The following COL4A4 variants were observed in gnomAD, a reference collection of about 807,000 sequenced individuals.
COL4A4 encodes collagen type IV alpha 4 chain.
COL4A4 carries 105 observed loss-of-function variants against 192.9 expected under a neutral mutation model. The ratio of observed to expected loss-of-function variants is 0.54; its 90% CI spans 0.46 to 0.64. The LOEUF is 0.64. Ranked by LOEUF, COL4A4 falls within the 30% of genes least tolerant of loss-of-function variation. COL4A4 has a pLI of 0.00. For missense variants in COL4A4, 1,967 were observed against 2,169.3 expected (o/e 0.91, Z 1.85); for synonymous variants, 762 against 769.9 (o/e 0.99, Z 0.17).
At chr2:227,059,675 C>T (rs755327291) in intron 27 of COL4A4, 52 bp from the exon 28 acceptor site, 1 of 1,284,016 alleles carries the variant, frequency 7.8e-7, no homozygotes, top group South Asian at 1.2e-5. Context: ...AAGTATAGAA[C>T]CAATACATAT....
At chr2:227,067,645 G>C (rs377460625) in intron 25 of COL4A4, among the ~76,000 whole-genome samples, 1 of 152,040 alleles carries the variant, frequency 6.6e-6, no homozygotes, top group South Asian at 2.1e-4. Flanking sequence ...TGAAGGCAGA[G>C]ATAAAGATGT....
In COL4A4 at chr2:227,005,617, C is replaced by T. The variant is rs1961928959; in HGVS notation, c.*1708G>A. 1 of 152,094 alleles carries T rather than the reference C, an allele frequency of 6.6e-6. No individual in the cohort carries two copies. Among genetic ancestry groups the T allele is most frequent in the Admixed American group, 6.5e-5 (1 of 15,278 alleles). 9.4% of individuals were successfully genotyped at this position (152,094 alleles called of 1,614,324 possible). On this transcript the variant is annotated 3_prime_UTR_variant, in exon 48 of 48. Coordinates refer to ENST00000396625, the MANE Select transcript of COL4A4 (RefSeq NM_000092.5). ...AAATACTCTTAAAATAAATTGCCAC[C>T]CTGGGGGCAGCCCATAGCAAAACTC...
intron 7 of COL4A4, among the ~76,000 whole-genome samples, chr2:227,117,670 A>G (rs564480330): frequency 6.6e-6 from 1 of 152,186 alleles, no homozygotes; most frequent in Non-Finnish European, 1.5e-5. Context: ...TCACAGAAAA[A>G]CAATTTGGAA....
chr2:226,974,392 T>C, the COL4A4 span, among the ~76,000 whole-genome samples: 1 of 151,890 alleles, frequency 6.6e-6, no homozygotes, highest in Non-Finnish European at 1.5e-5. Flanking sequence ...CGCCCACCAC[T>C]GGGCCTGGCT....
At chr2:227,157,086 T>G (rs1028294233) in intron 1 of COL4A4, among the ~76,000 whole-genome samples, 3 of 152,166 alleles carry the variant, frequency 2.0e-5, no homozygotes, top group Admixed American at 6.5e-5. Context: ...TGCTGGATCA[T>G]AAAACAAGTT....
chr2:227,161,204 T>C (rs1405389076), intron 1 of COL4A4, among the ~76,000 whole-genome samples: 1 of 152,126 alleles, frequency 6.6e-6, no homozygotes, highest in African/African-American at 2.4e-5. Context: ...TCATTCAACA[T>C]CAGTAAAGAA....
chr2:227,002,162 C>A (rs1190331850), downstream of COL4A4, among the ~76,000 whole-genome samples: 2 of 125,834 alleles, frequency 1.6e-5, no homozygotes, highest in Non-Finnish European at 1.6e-5. Flanking sequence ...AGGCAAGACC[C>A]TGTCTCAAAA....
chr2:227,104,007 C>G lies in COL4A4; in HGVS notation c.781G>C (p.Glu261Gln). 1 of 1,613,506 alleles carries G rather than the reference C, an allele frequency of 6.2e-7. No homozygotes were observed. The highest frequency in any genetic ancestry group is 2.2e-5 in the East Asian group (1 of 44,864). Residue 261 changes from glutamate (E) to glutamine (Q), a missense_variant, in exon 13 of 48, where the codon GAG (glutamate) becomes CAG (glutamine). By Grantham distance (29) the Glu-to-Gln change is conservative. Coordinates refer to ENST00000396625, the MANE Select transcript of COL4A4 (RefSeq NM_000092.5). ...QGSPGPTLLV[E>Q]PPDFCLYKGE... Reference sequence around the variant, plus strand: ...TTATAGAGACAAAAGTCAGGTGGCTCTACCAACAGGGTGGGTCCAGGAGAA... The same window carrying G: ...TTATAGAGACAAAAGTCAGGTGGCTGTACCAACAGGGTGGGTCCAGGAGAA...
At chr2:227,012,913 A>C (rs984182347) in intron 44 of COL4A4, among the ~76,000 whole-genome samples, 1 of 152,132 alleles carries the variant, frequency 6.6e-6, no homozygotes, top group Non-Finnish European at 1.5e-5. Flanking sequence ...TGCCAGTTAT[A>C]CCAGTGAAGA....
At chr2:227,046,251 C>T (rs1391398749) in intron 35 of COL4A4, among the ~76,000 whole-genome samples, 1 of 150,264 alleles carries the variant, frequency 6.7e-6, no homozygotes, top group Admixed American at 6.6e-5. Context: ...TAAAATTTCT[C>T]ATATAGTTCT....
intron 17 of COL4A4, among the ~76,000 whole-genome samples, chr2:227,101,143 C>T (rs2060496597): frequency 6.6e-6 from 1 of 152,092 alleles, no homozygotes; most frequent in Non-Finnish European, 1.5e-5. Context: ...GAATGAGTCT[C>T]ACAAGATAAT....
intron 1 of COL4A4, among the ~76,000 whole-genome samples, chr2:227,150,345 A>G (rs983856733): frequency 2.6e-5 from 4 of 152,166 alleles, no homozygotes; most frequent in Non-Finnish European, 5.9e-5. Context: ...CAGGAAAAAA[A>G]GTGAATCAAT....
the COL4A4 span, chr2:226,995,429 A>G: frequency 1.2e-6 from 2 of 1,600,262 alleles, no homozygotes; most frequent in Non-Finnish European, 1.7e-6. Flanking sequence ...TTCTCACTAC[A>G]GGAAATACCA....
At chr2:227,027,250 A>G (rs1280487404) in intron 42 of COL4A4, among the ~76,000 whole-genome samples, 1 of 43,086 alleles carries the variant, frequency 2.3e-5, no homozygotes, top group African/African-American at 9.9e-5. Context: ...AGACTGTCTC[A>G]AAAAAAAAAA....
In COL4A4 at chr2:227,089,010, G is replaced by A. The variant is rs147284583; in HGVS notation, c.1460-194C>T. ...TACATGGGGTGCCTAGGCATGGGAT[G>A]TAGGGTGGGCATACCATTTCTAAAC... On this transcript the variant is annotated intron_variant, in intron 21 of 47. Coordinates refer to ENST00000396625, the MANE Select transcript of COL4A4 (RefSeq NM_000092.5). 1.2e-3 allele frequency among the ~76,000 whole-genome samples: 190 copies of A among 152,318 alleles called. 4 individuals carry two copies. The East Asian group carries it at 0.034, about 27-fold the overall frequency.
intron 44 of COL4A4, among the ~76,000 whole-genome samples, chr2:227,020,675 G>A (rs538128484): frequency 6.6e-6 from 1 of 152,196 alleles, no homozygotes; most frequent in Admixed American, 6.5e-5. Flanking sequence ...GCAGTGAGGG[G>A]GGGTGAAAGG....
intron 29 of COL4A4, 127 bp downstream of exon 29, chr2:227,057,312 G>A (rs531765362): frequency 8.9e-7 from 1 of 1,120,758 alleles, no homozygotes; most frequent in Non-Finnish European, 1.3e-6. Context: ...AAACTCATGA[G>A]TAACGAAGTC....
chr2:227,111,829 A>G, intron 8 of COL4A4, 116 bp from the exon 9 acceptor site: 3 of 1,128,514 alleles, frequency 2.7e-6, no homozygotes, highest in South Asian at 1.3e-5. Flanking sequence ...AGTTTGTTCA[A>G]TTTTTTTGGT....
At chr2:226,969,289 A>G in the COL4A4 span, among the ~76,000 whole-genome samples, 2 of 151,830 alleles carry the variant, frequency 1.3e-5, no homozygotes, top group Non-Finnish European at 2.9e-5. Flanking sequence ...TCTTGACCTT[A>G]GTTCCTAATG....
Sources: gnomAD v4.1 joint callset for allele counts (sites outside exome capture counted in the v4.1 genomes callset) on GRCh38, gnomAD v4.1.1 for gene constraint, MANE v1.5 for transcripts, NCBI Gene and HGNC (gene_info 2026-07-23, HGNC 2026-07-21) for gene names.